Variants in BRSK1 observed in about 807,000 individuals in gnomAD.
BRSK1 encodes serine/threonine-protein kinase BRSK1.
A neutral mutation model predicts 86.2 loss-of-function variants in BRSK1; 17 were observed. The observed-to-expected ratio is 0.20, with a 90% confidence interval of 0.14 to 0.30. The LOEUF is 0.30. BRSK1 is among the 10% of genes least tolerant of loss of function. The pLI is 1.00. For synonymous variants in BRSK1, 464 were observed against 440.1 expected (o/e 1.05, Z -0.68); for missense variants, 719 against 1,071.9 (o/e 0.67, Z 4.60).
rs961844823 is a variant in BRSK1, at chr19:55,284,137, C to A, written c.-306C>A. ...GCATCCGCCGGCCCGCACCTCAGAC[C>A]CCCCCGGCGGGGGGAGGCGCAGGAA... On this transcript the variant is annotated 5_prime_UTR_variant, in exon 1 of 19. Transcript: ENST00000309383. 87 of 1,181,032 alleles carry A rather than the reference C, an allele frequency of 7.4e-5. No individual in the cohort carries two copies. The Admixed American group carries it at 9.4e-4, about 13-fold the overall frequency. The allele number at this position is 1,181,032 out of a possible 1,614,324, so 73.2% of individuals were successfully genotyped here. A position where few individuals can be genotyped will look rare whatever the true frequency, so the allele number is the denominator to read the frequency against.
Position 55,304,049 on chromosome 19 carries a change from G to A in BRSK1, c.1287-1G>A. On this transcript the variant is annotated splice_acceptor_variant, in intron 12 of 18. Transcript: ENST00000309383. LOFTEE classifies it high-confidence loss of function. This position sits in a 1 kb window ranked among gnomAD's most constrained non-coding sequence, Gnocchi z 5.2. ...TTTTTTTAAATCTATCCTGGAAACAGATCCCGTAGCGTCAGTGGAGCCTCC... is the reference window on the plus strand; with the variant it reads ...TTTTTTTAAATCTATCCTGGAAACAAATCCCGTAGCGTCAGTGGAGCCTCC... 1 of 1,608,510 alleles carries A rather than the reference G, an allele frequency of 6.2e-7. No homozygotes were observed.
chr19:55,294,311 A>C lies in BRSK1; in HGVS notation c.610-18A>C. The C allele has an allele frequency of 6.2e-7, 1 of 1,614,128 alleles. No individual in the cohort carries two copies. The highest frequency in any genetic ancestry group is 8.5e-7 in the Non-Finnish European group (1 of 1,180,036). On this transcript the variant is annotated intron_variant, in intron 6 of 18. Transcript: ENST00000309383. This position sits in a 1 kb window ranked among gnomAD's most constrained non-coding sequence, Gnocchi z 4.9. ...AGCAGTGAGGAGCGATGAAGTCACA[A>C]CTGGCCTTCCCTTCCAGGGGGAAAA...
chr19:55,311,786 G>A (rs538549172), intron 18 of BRSK1, 125 bp from the exon 19 acceptor site: 1 of 986,234 alleles, frequency 1.0e-6, no homozygotes. Context: ...CCTTATCAGG[G>A]ATTGGAGCTA....
chr19:55,286,224 A>G (rs557851019), intron 1 of BRSK1, among the ~76,000 whole-genome samples: 11 of 97,430 alleles, frequency 1.1e-4, no homozygotes, highest in South Asian at 7.8e-4. Flanking sequence ...GGGAGGATGG[A>G]ATGGGGGCCT....
At position 55,303,673 on chromosome 19, in the gene BRSK1, C is replaced by A; in HGVS notation, c.1133C>A (p.Pro378His). The A allele has an allele frequency of 1.2e-6, 2 of 1,602,262 alleles. No individual in the cohort carries two copies. The highest frequency in any genetic ancestry group is 1.7e-6 in the Non-Finnish European group (2 of 1,173,664). ...DLPPRNDVDP[P>H]RKRVDSPMLS... is the part of the protein sequence containing the mutation. ...TGAAACTGTTGTCCCTCAGACCCCC[C>A]CCGGAAGCGTGTGGATTCTCCCATG... The change falls in exon 12 of 19, where the codon CCC becomes CAC. Residue 378 changes from proline to histidine, a missense_variant. Pro to His is a moderately conservative substitution (Grantham distance 77). Transcript: ENST00000309383. This position sits in a 1 kb window ranked among gnomAD's most constrained non-coding sequence, Gnocchi z 5.1.
At chr19:55,295,071 G>A (rs1348868123) in intron 7 of BRSK1, among the ~76,000 whole-genome samples, 1 of 152,036 alleles carries the variant, frequency 6.6e-6, no homozygotes, top group East Asian at 1.9e-4. Flanking sequence ...CAGAATGCTG[G>A]GATTACAAGT....
chr19:55,295,728 G>A (rs545514479), intron 7 of BRSK1, among the ~76,000 whole-genome samples: 1 of 152,296 alleles, frequency 6.6e-6, no homozygotes, highest in East Asian at 1.9e-4. Context: ...AGCACTTCAG[G>A]AGGCCGAGCG....
intron 17 of BRSK1, among the ~76,000 whole-genome samples, chr19:55,307,969 A>G (rs2088686419): frequency 6.6e-6 from 1 of 151,424 alleles, no homozygotes; most frequent in East Asian, 1.9e-4. Context: ...AAAAAAGAAA[A>G]AGAAAAGACT....
At position 55,301,982 on chromosome 19, in the gene BRSK1, G is replaced by A. The variant is rs1390675468; in HGVS notation, c.826-155G>A. Reference sequence around the variant, plus strand: ...GCGCGTGCGCGGGGCGATGCACTCAGTCGCCACTAGAGGGCGATGTAATAT... The same window carrying A: ...GCGCGTGCGCGGGGCGATGCACTCAATCGCCACTAGAGGGCGATGTAATAT... On this transcript the variant is annotated intron_variant, in intron 8 of 18. Transcript: ENST00000309383. 4.2e-6 allele frequency: 4 copies of A among 955,184 alleles called. No individual in the cohort carries two copies. In the African/African-American group the frequency reaches 4.8e-5, roughly 11 times the overall value. 59.2% of individuals were successfully genotyped at this position (955,184 alleles called of 1,614,324 possible).
intron 17 of BRSK1, among the ~76,000 whole-genome samples, chr19:55,307,976 G>C (rs1394934721): frequency 2.7e-5 from 4 of 150,440 alleles, no homozygotes; most frequent in African/African-American, 9.8e-5. Flanking sequence ...AAAAAGAAAA[G>C]ACTTTCTCCG....
At chr19:55,288,425 G>T (rs1568979070) in intron 3 of BRSK1, among the ~76,000 whole-genome samples, 2 of 139,136 alleles carry the variant, frequency 1.4e-5, no homozygotes, top group Non-Finnish European at 3.0e-5. Context: ...AGTGAGCCAA[G>T]ATCGTGCCAC....
intron 4 of BRSK1, among the ~76,000 whole-genome samples, chr19:55,290,138 G>C (rs934321347): frequency 9.2e-5 from 14 of 152,002 alleles, no homozygotes; most frequent in Admixed American, 7.9e-4. Context: ...GGGATTACAG[G>C]TGCACACCAC....
chr19:55,287,489 C>T lies in BRSK1; in HGVS notation c.317+190C>T, dbSNP rs150580855. ...CACACAGGGAACCCCACTGTTGTCA[C>T]GCTGTGTTGGGCCTGAGGCCAAGGG... On this transcript the variant is annotated intron_variant, in intron 3 of 18. Coordinates refer to ENST00000309383, the MANE Select transcript of BRSK1 (RefSeq NM_032430.2). This position sits in a 1 kb window ranked among gnomAD's most constrained non-coding sequence, Gnocchi z 5.3. Among the ~76,000 whole-genome samples the T allele has an allele frequency of 0.012, 1,895 of 152,274 alleles. 16 individuals are homozygous for T. Among genetic ancestry groups the T allele is most frequent in the Non-Finnish European group, 0.019 (1,274 of 67,996 alleles).
Position 55,304,559 on chromosome 19 carries a change from C to A in BRSK1, c.1356C>A (p.Val452=), listed in dbSNP as rs201659625. ...SSPLSSPRSP[V]FSFSPEPGAG... ...TCTCCTGTCCTCTGCAGAGTCCGGT[C>A]TTTTCCTTTTCACCGGAGCCGGGGG... is the stretch of plus-strand genomic sequence containing the variant. The change falls in exon 14 of 19, where the codon GTC becomes GTA. Residue 452 remains valine (V), a synonymous_variant. Coordinates refer to ENST00000309383, the MANE Select transcript of BRSK1 (RefSeq NM_032430.2). The surrounding 1 kb of genome is among the most constrained non-coding windows in gnomAD (Gnocchi z 5.2). The A allele has an allele frequency of 3.2e-6, 5 of 1,583,848 alleles. No homozygotes were observed. The South Asian group carries it at 5.7e-5, about 18-fold the overall frequency.
At chr19:55,305,066 A>T in intron 14 of BRSK1, 146 bp downstream of exon 14, 1 of 1,329,226 alleles carries the variant, frequency 7.5e-7, no homozygotes, top group African/African-American at 1.5e-5. Flanking sequence ...GGTTTGAAGC[A>T]GAGGTGCACC....
rs971418693 is a variant in BRSK1, at chr19:55,304,438, C to T, written c.1348-113C>T. Reference sequence around the variant, plus strand: ...CCTGGGAAGGAGGATACTTGGACTACAAGTTGCAGCATGCACCGGGCCAGC... The same window carrying T: ...CCTGGGAAGGAGGATACTTGGACTATAAGTTGCAGCATGCACCGGGCCAGC... On this transcript the variant is annotated intron_variant, in intron 13 of 18. Coordinates refer to ENST00000309383, the MANE Select transcript of BRSK1 (RefSeq NM_032430.2). This position sits in a 1 kb window ranked among gnomAD's most constrained non-coding sequence, Gnocchi z 5.2. 9.5e-6 allele frequency: 12 copies of T among 1,258,100 alleles called. No homozygotes were observed. In the African/African-American group the frequency reaches 1.8e-4, roughly 19 times the overall value. 77.9% of individuals were successfully genotyped at this position (1,258,100 alleles called of 1,614,324 possible). A position where few individuals can be genotyped will look rare whatever the true frequency, so the allele number is the denominator to read the frequency against.
At chr19:55,284,610 G>C (rs369853581) in intron 1 of BRSK1, 32 bp downstream of exon 1, 806 of 1,271,496 alleles carry the variant, frequency 6.3e-4, no homozygotes, top group Non-Finnish European at 7.4e-4. Context: ...ACCTGGGGCG[G>C]GGGGCAGGGT....
intron 4 of BRSK1, among the ~76,000 whole-genome samples, chr19:55,293,296 A>G (rs1412668668): frequency 6.6e-6 from 1 of 152,146 alleles, no homozygotes; most frequent in Non-Finnish European, 1.5e-5. Context: ...ACGCCATTGC[A>G]CTCCAGCCTA....
At chr19:55,286,913 G>A in intron 1 of BRSK1, 94 bp from the exon 2 acceptor site, 1 of 1,137,452 alleles carries the variant, frequency 8.8e-7, no homozygotes, top group Non-Finnish European at 1.3e-6. Flanking sequence ...CAGCCCAGGA[G>A]GAAGGAGCAA....
Sources: allele counts gnomAD v4.1 joint callset (sites outside exome capture counted in the v4.1 genomes callset), GRCh38; gene constraint gnomAD v4.1.1; non-coding constraint Gnocchi (gnomAD v3.1); transcripts MANE v1.5; gene names NCBI Gene and HGNC (gene_info 2026-07-23, HGNC 2026-07-21).